The following TMEFF1 variants were observed in gnomAD, a reference collection of about 807,000 sequenced individuals.
TMEFF1 encodes the protein transmembrane protein with EGF like and two follistatin like domains 1, also known as tomoregulin-1.
TMEFF1 carries 20 observed loss-of-function variants against 47.5 expected under a neutral mutation model. The observed-to-expected ratio is 0.42, with a 90% CI of 0.30 to 0.61. The LOEUF is 0.61. TMEFF1 is among the 20% of genes least tolerant of loss of function. The pLI, the probability that TMEFF1 is intolerant of heterozygous loss-of-function variation, is 0.19. For synonymous variants in TMEFF1, 162 were observed against 166.3 expected (o/e 0.97, Z 0.20); for missense variants, 411 against 471.1 (o/e 0.87, Z 1.18).
chr9:100,569,484 C>T (rs1839186209), intron 8 of TMEFF1, among the ~76,000 whole-genome samples: 1 of 151,622 alleles, frequency 6.6e-6, no homozygotes, highest in Non-Finnish European at 1.5e-5. Flanking sequence ...CATTTTGTGG[C>T]TTGTCTTTTC....
intron 9 of TMEFF1, among the ~76,000 whole-genome samples, chr9:100,575,443 A>G (rs978167905): frequency 6.6e-6 from 1 of 152,190 alleles, no homozygotes; most frequent in Non-Finnish European, 1.5e-5. Flanking sequence ...TGAGTTAGTG[A>G]CAGTACAAGA....
Position 100,498,755 on chromosome 9 carries a change from T to C in TMEFF1, c.197-10T>C. On this transcript the variant is annotated splice_polypyrimidine_tract_variant and intron_variant, in intron 1 of 9. Transcript: ENST00000374879. The stretch of plus-strand genomic sequence containing the variant: ...AAATATATATGTCAAACAATTTTTT[T>C]CTTTTGCAGAATTAAATGTGAGGGA... 6.2e-7 allele frequency: 1 copy of C among 1,611,776 alleles called. No homozygotes were observed. Among genetic ancestry groups the C allele is most frequent in the Non-Finnish European group, 8.5e-7 (1 of 1,179,310 alleles).
chr9:100,497,914 GTT>G (rs76597614), intron 1 of TMEFF1, among the ~76,000 whole-genome samples: 1 of 142,580 alleles, frequency 7.0e-6, no homozygotes, highest in Admixed American at 7.0e-5. Flanking sequence ...CACTGGGATG[GTT>G]TTTTTTTTTT....
At chr9:100,567,927 C>T (rs1380161486) in intron 8 of TMEFF1, among the ~76,000 whole-genome samples, 1 of 152,152 alleles carries the variant, frequency 6.6e-6, no homozygotes, top group Non-Finnish European at 1.5e-5. Context: ...ACCTGGATGG[C>T]AGCCAGTAAA....
At chr9:100,541,483 C>T (rs1838630892) in intron 5 of TMEFF1, among the ~76,000 whole-genome samples, 1 of 149,946 alleles carries the variant, frequency 6.7e-6, no homozygotes, top group Non-Finnish European at 1.5e-5. Flanking sequence ...GAGTGATTCT[C>T]CTGCCTCAGC....
rs768146589 is a variant in TMEFF1 at position 100,498,912 on chromosome 9, C to T, written c.306+38C>T. 1.9e-6 allele frequency: 3 copies of T among 1,584,418 alleles called. No homozygotes were observed. The African/African-American group carries it at 4.1e-5, about 22-fold the overall frequency. On this transcript the variant is annotated intron_variant, in intron 2 of 9. Transcript: ENST00000374879. ...AGCCTATTTTGAAAAGTTTTATATT[C>T]TTCGTATTTTATAATTCTAAATTCT... is the stretch of plus-strand genomic sequence containing the variant.
At position 100,547,812 on chromosome 9, in the gene TMEFF1, A is replaced by G. The variant is rs779910288; in HGVS notation, c.629A>G (p.Tyr210Cys). 1 of 1,610,808 alleles carries G rather than the reference A, an allele frequency of 6.2e-7. No individual in the cohort carries two copies. Among genetic ancestry groups the G allele is most frequent in the Non-Finnish European group, 8.5e-7 (1 of 1,178,936 alleles). ...NPVCASDGSS[Y>C]NNPCFVREAS... ...GTGTGTGCTTCTGATGGGAGTTCCTATAACAATCCCTGTTTTGTTCGAGAA... is the reference window on the plus strand; with the variant it reads ...GTGTGTGCTTCTGATGGGAGTTCCTGTAACAATCCCTGTTTTGTTCGAGAA... The change falls in exon 6 of 10, where the codon TAT becomes TGT. Residue 210 changes from tyrosine to cysteine, a missense_variant. Physicochemically the swap from Tyr to Cys is radical, Grantham distance 194. Transcript: ENST00000374879.
intron 1 of TMEFF1, among the ~76,000 whole-genome samples, chr9:100,487,375 C>T (rs1204955570): frequency 6.6e-6 from 1 of 152,128 alleles, no homozygotes; most frequent in Non-Finnish European, 1.5e-5. Context: ...ACCATGTTTG[C>T]TAGGCTGGTC....
intron 5 of TMEFF1, among the ~76,000 whole-genome samples, chr9:100,529,977 C>T (rs1838344776): frequency 6.6e-6 from 1 of 152,048 alleles, no homozygotes; most frequent in African/African-American, 2.4e-5. Context: ...ACTGAACAAC[C>T]TGCTCCTGAA....
chr9:100,528,461 C>T (rs970417915), intron 5 of TMEFF1, among the ~76,000 whole-genome samples: 7 of 145,852 alleles, frequency 4.8e-5, no homozygotes, highest in East Asian at 2.0e-4. Context: ...CCTCAGGAGC[C>T]GATGCGATCA....
At chr9:100,498,673 G>A (rs543713451) in intron 1 of TMEFF1, 92 bp from the exon 2 acceptor site, 319 of 1,165,688 alleles carry the variant, frequency 2.7e-4, no homozygotes, top group Non-Finnish European at 3.6e-4. Flanking sequence ...TACATTTTAA[G>A]GACTTTTTCA....
intron 5 of TMEFF1, among the ~76,000 whole-genome samples, chr9:100,533,791 T>G (rs2118461869): frequency 6.6e-6 from 1 of 152,334 alleles, no homozygotes; most frequent in African/African-American, 2.4e-5. Flanking sequence ...CGATCTTGTT[T>G]CACTGCAACC....
intron 5 of TMEFF1, among the ~76,000 whole-genome samples, chr9:100,521,267 C>T (rs764700652): frequency 6.6e-6 from 1 of 152,228 alleles, no homozygotes; most frequent in Non-Finnish European, 1.5e-5. Context: ...GCTTCCCCCT[C>T]ACCCTTCCTT....
intron 4 of TMEFF1, among the ~76,000 whole-genome samples, chr9:100,515,808 A>T (rs1838059870): frequency 6.6e-6 from 1 of 151,658 alleles, no homozygotes; most frequent in Non-Finnish European, 1.5e-5. Flanking sequence ...AAAAACAAAC[A>T]AACAAAAAAA....
intron 6 of TMEFF1, among the ~76,000 whole-genome samples, chr9:100,548,595 A>G (rs1031170161): frequency 4.6e-5 from 7 of 152,068 alleles, no homozygotes; most frequent in African/African-American, 1.7e-4. Context: ...GACCAGGCAC[A>G]CTCTCATGGA....
At chr9:100,520,650 CTTACAA>C (rs928552110) in intron 5 of TMEFF1, among the ~76,000 whole-genome samples, 5 of 152,180 alleles carry the variant, frequency 3.3e-5, no homozygotes, top group African/African-American at 1.2e-4. Context: ...TTAACATACT[CTTACAA>C]TTACATATGT....
intron 7 of TMEFF1, among the ~76,000 whole-genome samples, chr9:100,560,642 C>G (rs976506420): frequency 3.9e-5 from 6 of 152,164 alleles, no homozygotes; most frequent in African/African-American, 1.4e-4. Context: ...CTGACCTGTT[C>G]CATCTCTCCT....
At chr9:100,508,890 C>G in intron 2 of TMEFF1, 115 bp from the exon 3 acceptor site, 1 of 1,239,106 alleles carries the variant, frequency 8.1e-7, no homozygotes, top group Non-Finnish European at 1.0e-6. Context: ...AAAAAAACCC[C>G]AGACTATTCA....
intron 1 of TMEFF1, 116 bp from the exon 2 acceptor site, chr9:100,498,649 A>T (rs1017280704): frequency 3.6e-6 from 3 of 843,096 alleles, no homozygotes; most frequent in Non-Finnish European, 3.7e-6. Flanking sequence ...ACACTTCTGA[A>T]TGGGGGGGCT....
Sources: allele counts gnomAD v4.1 joint callset (sites outside exome capture counted in the v4.1 genomes callset), GRCh38; gene constraint gnomAD v4.1.1; transcripts MANE v1.5; gene names NCBI Gene and HGNC (gene_info 2026-07-23, HGNC 2026-07-21).